Variants in FOXP1 observed in about 807,000 individuals in gnomAD.
FOXP1 encodes forkhead box P1.
Under a neutral mutation model 98.2 loss-of-function variants are expected in FOXP1, and 15 were observed. The observed-to-expected ratio is 0.15, with a 90% confidence interval of 0.10 to 0.24. The LOEUF is 0.24. Among genes scored for constraint, FOXP1 ranks in the 10% least tolerant of loss-of-function variants. The pLI is 1.00. For synonymous variants in FOXP1, 371 were observed against 314.5 expected, an observed-to-expected ratio of 1.18 and a Z score of -1.90; for missense variants, 633 against 848.5, an observed-to-expected ratio of 0.75 and a Z score of 3.15.
chr3:71,200,133 A>G (rs375558106), intron 5 of FOXP1, among the ~76,000 whole-genome samples: 6 of 151,208 alleles, frequency 4.0e-5, no homozygotes, highest in Admixed American at 4.0e-4. Context: ...AGGTGTAAAT[A>G]CATTTCACAT....
intron 4 of FOXP1, among the ~76,000 whole-genome samples, chr3:71,304,287 A>T (rs1377053029): frequency 6.6e-6 from 1 of 152,226 alleles, no homozygotes; most frequent in African/African-American, 2.4e-5. Flanking sequence ...CAGAAAAGGA[A>T]AACCCTGGCC....
At chr3:71,177,840 C>CTATT (rs781703505) in intron 6 of FOXP1, among the ~76,000 whole-genome samples, 1 of 114,942 alleles carries the variant, frequency 8.7e-6, no homozygotes, top group Non-Finnish European at 1.7e-5. Flanking sequence ...TTCTTTCTTT[C>CTATT]TTTTTTTTTT....
At chr3:71,198,451 T>C in intron 5 of FOXP1, 59 bp from the exon 6 acceptor site, 1 of 1,379,274 alleles carries the variant, frequency 7.3e-7, no homozygotes, top group East Asian at 2.4e-5. Flanking sequence ...AAAGCAGCTG[T>C]TAAAGCAGTT....
intron 11 of FOXP1, among the ~76,000 whole-genome samples, chr3:71,030,043 C>T (rs989695191): frequency 6.6e-6 from 1 of 152,138 alleles, no homozygotes; most frequent in Non-Finnish European, 1.5e-5. Context: ...TGGTAGCATA[C>T]CCGATTCAGG....
intron 19 of FOXP1, among the ~76,000 whole-genome samples, chr3:70,967,700 G>GTTTTTTTTTA (rs1553657848): frequency 1.6e-5 from 1 of 63,628 alleles, no homozygotes; most frequent in Non-Finnish European, 3.1e-5. Context: ...TTTTTTTTTT[G>GTTTTTTTTTA]TTTTTTTTTG....
rs570088183 is a variant in FOXP1 at position 71,524,949 on chromosome 3, C to T, written c.-297-31394G>A. 2.0e-5 allele frequency among the ~76,000 whole-genome samples: 3 copies of T among 152,300 alleles called. No homozygotes were observed. In the South Asian group the frequency reaches 6.2e-4, roughly 32 times the overall value. On this transcript the variant is annotated intron_variant, in intron 2 of 20. Coordinates refer to ENST00000649528, the MANE Select transcript of FOXP1 (RefSeq NM_001349338.3). ...ACTTCCAGTCATGGCTAAGTGGACA[C>T]TTGATTGAATACCACTAAGACAGCT...
chr3:70,984,692 G>A (rs1049166590), intron 14 of FOXP1, among the ~76,000 whole-genome samples: 1 of 152,128 alleles, frequency 6.6e-6, no homozygotes, highest in Non-Finnish European at 1.5e-5. Flanking sequence ...CTGAAAGGAA[G>A]ATTTTACTTA....
rs140704190 is a variant in FOXP1, at chr3:71,088,010, G to A, written c.282+24526C>T. 2.6e-5 allele frequency among the ~76,000 whole-genome samples: 4 copies of A among 152,340 alleles called. No homozygotes were observed. In the East Asian group the frequency reaches 7.7e-4, roughly 29 times the overall value. On this transcript the variant is annotated intron_variant, in intron 7 of 20. Transcript: ENST00000649528. ...AATCTGGCTTAGTGTGCAAATGTATGTTTTCAGAGAAGGCTAAGCCAGGGC... is the reference window on the plus strand; with the variant it reads ...AATCTGGCTTAGTGTGCAAATGTATATTTTCAGAGAAGGCTAAGCCAGGGC...
intron 6 of FOXP1, among the ~76,000 whole-genome samples, chr3:71,196,083 T>C (rs1270487080): frequency 6.6e-6 from 1 of 152,196 alleles, no homozygotes; most frequent in East Asian, 1.9e-4. Flanking sequence ...TACAGGGGGT[T>C]TTAGCCACAG....
intron 2 of FOXP1, among the ~76,000 whole-genome samples, chr3:71,527,385 C>T (rs1251320016): frequency 6.6e-6 from 1 of 152,238 alleles, no homozygotes; most frequent in Non-Finnish European, 1.5e-5. Flanking sequence ...ACCCAGTAGA[C>T]TGGAAGGGGT....
chr3:71,491,652 T>C (rs763699528), intron 3 of FOXP1, among the ~76,000 whole-genome samples: 6 of 151,980 alleles, frequency 3.9e-5, no homozygotes, highest in Non-Finnish European at 8.8e-5. Flanking sequence ...CAGAACCAAA[T>C]GCAAAGTACA....
chr3:71,174,826 A>ACACACACACACC (rs1050762895), intron 6 of FOXP1, among the ~76,000 whole-genome samples: 84 of 147,310 alleles, frequency 5.7e-4, no homozygotes, highest in Admixed American at 3.0e-3. Flanking sequence ...ACACACACAC[A>ACACACACACACC]CCCCAATATA....
intron 11 of FOXP1, among the ~76,000 whole-genome samples, chr3:71,038,088 T>A (rs1322696151): frequency 6.6e-6 from 1 of 152,312 alleles, no homozygotes; most frequent in African/African-American, 2.4e-5. Context: ...GCTACTGCAG[T>A]GGCTGCTCAC....
chr3:71,039,885 G>A (rs1039338303), intron 11 of FOXP1, among the ~76,000 whole-genome samples: 43 of 151,838 alleles, frequency 2.8e-4, no homozygotes, highest in African/African-American at 1.0e-3. Flanking sequence ...TCCAAAGATT[G>A]TCAGTGTCCA....
chr3:71,112,107 T>C (rs2057981877), intron 7 of FOXP1, among the ~76,000 whole-genome samples: 1 of 7,430 alleles, frequency 1.3e-4, no homozygotes, highest in Non-Finnish European at 2.4e-4. Context: ...CATTGTCTCC[T>C]GGTGGTGGGT....
intron 3 of FOXP1, among the ~76,000 whole-genome samples, chr3:71,487,316 T>A (rs573958935): frequency 1.4e-4 from 22 of 152,274 alleles, no homozygotes; most frequent in Middle Eastern, 3.4e-3. Flanking sequence ...CACCTTGGCT[T>A]CCCAGTGTTG....
chr3:71,216,482 CA>C (rs2064940300), intron 5 of FOXP1, among the ~76,000 whole-genome samples: 1 of 152,138 alleles, frequency 6.6e-6, no homozygotes, highest in Non-Finnish European at 1.5e-5. Flanking sequence ...GGGGCAGCTG[CA>C]ACGTGCTTCA....
At chr3:71,384,246 CAACA>C (rs1472233254) in intron 3 of FOXP1, among the ~76,000 whole-genome samples, 5 of 151,438 alleles carry the variant, frequency 3.3e-5, no homozygotes, top group African/African-American at 7.3e-5. Context: ...ACAAACAAAC[CAACA>C]AACAAACAGG....
At chr3:71,380,878 G>A (rs1031010799) in intron 3 of FOXP1, among the ~76,000 whole-genome samples, 1 of 151,822 alleles carries the variant, frequency 6.6e-6, no homozygotes, top group Non-Finnish European at 1.5e-5. Flanking sequence ...AGACGCTATC[G>A]TAGTAGTGTT....
Sources: allele counts gnomAD v4.1 joint callset (sites outside exome capture counted in the v4.1 genomes callset), GRCh38; gene constraint gnomAD v4.1.1; transcripts MANE v1.5; gene names NCBI Gene and HGNC (gene_info 2026-07-23, HGNC 2026-07-21).